TMEM245: variants seen among roughly 807,000 people sequenced by gnomAD.
TMEM245 encodes transmembrane protein 245, also known as protein CG-2.
A neutral mutation model predicts 101.2 loss-of-function variants in TMEM245; 69 were observed. That is an observed-to-expected ratio of 0.68 (90% CI 0.56 to 0.83). The LOEUF (loss-of-function observed/expected upper bound fraction) is 0.83, where lower values mean the gene tolerates loss of function less well. Among genes scored for constraint, TMEM245 ranks in the 40% least tolerant of loss-of-function variants. TMEM245 has a pLI of 0.00. For synonymous variants in TMEM245, 537 were observed against 449.8 expected, an observed-to-expected ratio of 1.19 and a Z score of -2.45; for missense variants, 1,075 against 1,092.8, an observed-to-expected ratio of 0.98 and a Z score of 0.23.
At chr9:109,105,647 T>C (rs1830390995) in intron 3 of TMEM245, among the ~76,000 whole-genome samples, 1 of 152,216 alleles carries the variant, frequency 6.6e-6, no homozygotes, top group South Asian at 2.1e-4. Flanking sequence ...GCTCTTACCA[T>C]GGAATATTAT....
chr9:109,095,202 T>C (rs1830107361), intron 3 of TMEM245, among the ~76,000 whole-genome samples: 1 of 152,200 alleles, frequency 6.6e-6, no homozygotes, highest in African/African-American at 2.4e-5. Context: ...TCCTGGCCTG[T>C]GTATCCAAGG....
chr9:109,107,321 C>T (rs1023038164), intron 2 of TMEM245, among the ~76,000 whole-genome samples: 1 of 151,608 alleles, frequency 6.6e-6, no homozygotes, highest in African/African-American at 2.4e-5. Flanking sequence ...ATTGCTTGAA[C>T]CCAGGAGGTG....
intron 17 of TMEM245, among the ~76,000 whole-genome samples, chr9:109,028,789 C>T (rs568107475): frequency 2.0e-5 from 3 of 152,196 alleles, no homozygotes; most frequent in South Asian, 4.2e-4. Context: ...GAGAGGCAGC[C>T]TCTAGGAGCC....
intron 2 of TMEM245, among the ~76,000 whole-genome samples, chr9:109,107,717 G>A (rs761940014): frequency 4.6e-5 from 7 of 152,138 alleles, no homozygotes; most frequent in South Asian, 2.1e-4. Context: ...GCTGCTCTGG[G>A]TTACTGAATT....
At chr9:109,082,044 A>G (rs1829681128) in intron 7 of TMEM245, among the ~76,000 whole-genome samples, 2 of 152,190 alleles carry the variant, frequency 1.3e-5, no homozygotes, top group African/African-American at 4.8e-5. Context: ...GCATTGCTAA[A>G]TAAGTTATTC....
rs146460053 is a variant in TMEM245, at chr9:109,025,118, T to C, written c.2595-4613A>G. Among the ~76,000 whole-genome samples the C allele has an allele frequency of 1.9e-3, 293 of 152,312 alleles. 3 individuals are homozygous for C. The highest frequency in any genetic ancestry group is 6.4e-3 in the African/African-American group (268 of 41,570). On this transcript the variant is annotated intron_variant, in intron 17 of 17. Transcript: ENST00000374586. ...ATGTACTCCCTTCCCAGCCCCAGTT[T>C]ACTCTCTTTTCTCAATCTTCTAAAG... is the stretch of plus-strand genomic sequence containing the variant.
At chr9:109,027,515 T>C (rs1379140165) in intron 17 of TMEM245, among the ~76,000 whole-genome samples, 1 of 152,122 alleles carries the variant, frequency 6.6e-6, no homozygotes, top group Non-Finnish European at 1.5e-5. Context: ...GCCAGGCTTT[T>C]AGTCTCTAGC....
At chr9:109,026,867 C>T (rs2132286089) in intron 17 of TMEM245, among the ~76,000 whole-genome samples, 1 of 152,100 alleles carries the variant, frequency 6.6e-6, no homozygotes, top group East Asian at 1.9e-4. Flanking sequence ...TCATCTCTTG[C>T]TTCCTCTCTC....
chr9:109,048,025 G>C (rs1421073634), intron 14 of TMEM245, among the ~76,000 whole-genome samples: 2 of 152,228 alleles, frequency 1.3e-5, no homozygotes, highest in African/African-American at 2.4e-5. Flanking sequence ...AAAGATGATA[G>C]TCAATGGTCA....
rs1324824061 is a variant in TMEM245 at position 109,060,456 on chromosome 9, G to GA, written c.1624-5dup. 15 of 1,597,652 alleles carry GA rather than the reference G, an allele frequency of 9.4e-6. No homozygotes were observed. Among genetic ancestry groups the GA allele is most frequent in the Admixed American group, 5.1e-5 (3 of 59,054 alleles). ...TATCTCCTAGAATTTTATGGAGCTA[G>GA]AAAAAAACACAGATACGACGTGGTA... On this transcript the variant is annotated splice_polypyrimidine_tract_variant and splice_region_variant and intron_variant, in intron 10 of 17. Coordinates refer to ENST00000374586, the MANE Select transcript of TMEM245 (RefSeq NM_032012.4).
In TMEM245 at chr9:109,073,862, T is replaced by G. The variant is rs927398769; in HGVS notation, c.1450-424A>C. On this transcript the variant is annotated intron_variant, in intron 8 of 17. Coordinates refer to ENST00000374586, the MANE Select transcript of TMEM245 (RefSeq NM_032012.4). ...GAACTAACTTTTTTTTTTTGTTTTT[T>G]TTTTTTTTTTTTTAGCCAGGTTCTC... Among the ~76,000 whole-genome samples, 6 of 148,654 alleles carry G rather than the reference T, an allele frequency of 4.0e-5. No homozygotes were observed. The South Asian group carries it at 8.5e-4, about 21-fold the overall frequency.
chr9:109,045,179 G>A, intron 14 of TMEM245, among the ~76,000 whole-genome samples: 1 of 152,164 alleles, frequency 6.6e-6, no homozygotes, highest in East Asian at 1.9e-4. Context: ...TGCCTTCTAA[G>A]TAATTTTTGT....
intron 14 of TMEM245, among the ~76,000 whole-genome samples, chr9:109,040,082 G>A (rs1475062532): frequency 2.6e-5 from 4 of 152,102 alleles, no homozygotes; most frequent in Non-Finnish European, 4.4e-5. Flanking sequence ...TTCTTTCACT[G>A]CTGAGAATAT....
At chr9:109,106,772 C>A (rs1487874938) in intron 2 of TMEM245, among the ~76,000 whole-genome samples, 163 bp from the exon 3 acceptor site, 1 of 151,940 alleles carries the variant, frequency 6.6e-6, no homozygotes, top group Non-Finnish European at 1.5e-5. Context: ...AGATAAACTT[C>A]AAGATTTCTC....
chr9:109,061,718 G>A (rs531369676), intron 10 of TMEM245, among the ~76,000 whole-genome samples: 74 of 151,892 alleles, frequency 4.9e-4, no homozygotes, highest in African/African-American at 1.7e-3. Context: ...ACAGGTGTGC[G>A]CCCCCACACC....
intron 17 of TMEM245, among the ~76,000 whole-genome samples, chr9:109,028,274 ATCC>A (rs1827845810): frequency 6.6e-6 from 1 of 151,752 alleles, no homozygotes; most frequent in African/African-American, 2.4e-5. Flanking sequence ...ACATGGTGAA[ATCC>A]CATCTCTACT....
Position 109,091,088 on chromosome 9 carries a change from G to A in TMEM245, c.984C>T (p.Pro328=), listed in dbSNP as rs375669310. The part of the protein sequence containing the change: ...STSPSPSSPS[P]TSPSPTLGRR... Reference sequence around the variant, plus strand: ...TGCCCAGAGTAGGTGAAGGGGAAGTGGGTGAAGGGGAGGAGGGTGAAGGGG... The same window carrying A: ...TGCCCAGAGTAGGTGAAGGGGAAGTAGGTGAAGGGGAGGAGGGTGAAGGGG... Residue 328 remains proline, a synonymous_variant, in exon 5 of 18, where the codon CCC becomes CCT. Coordinates refer to ENST00000374586, the MANE Select transcript of TMEM245 (RefSeq NM_032012.4). 2.0e-5 allele frequency: 33 copies of A among 1,614,040 alleles called. No individual in the cohort carries two copies. Among genetic ancestry groups the A allele is most frequent in the African/African-American group, 1.7e-4 (13 of 75,010 alleles).
At chr9:109,093,999 C>G (rs1386426849) in intron 3 of TMEM245, among the ~76,000 whole-genome samples, 3 of 152,182 alleles carry the variant, frequency 2.0e-5, no homozygotes, top group Non-Finnish European at 4.4e-5. Flanking sequence ...ACGAGATAAT[C>G]CACAATTGGT....
At chr9:109,088,990 T>C (rs575074380) in intron 5 of TMEM245, among the ~76,000 whole-genome samples, 3 of 151,928 alleles carry the variant, frequency 2.0e-5, no homozygotes, top group Admixed American at 2.0e-4. Context: ...GAACCACATA[T>C]AGGCCGGGGA....
Sources: allele counts gnomAD v4.1 joint callset (sites outside exome capture counted in the v4.1 genomes callset), GRCh38; gene constraint gnomAD v4.1.1; transcripts MANE v1.5; gene names NCBI Gene and HGNC (gene_info 2026-07-23, HGNC 2026-07-21).